Variants in MAP3K21 observed in about 807,000 individuals in gnomAD.
The protein encoded by MAP3K21 is mitogen-activated protein kinase kinase kinase MLK4.
A neutral mutation model predicts 86.1 loss-of-function variants in MAP3K21; 63 were observed. The observed-to-expected ratio is 0.73, with a 90% confidence interval of 0.60 to 0.90. The LOEUF (loss-of-function observed/expected upper bound fraction) is 0.90, where lower values mean the gene tolerates loss of function less well. MAP3K21 is among the 40% of genes least tolerant of loss of function. The pLI, the probability that MAP3K21 is intolerant of heterozygous loss-of-function variation, is 0.00. For missense variants in MAP3K21, 1,220 were observed against 1,367.7 expected (o/e 0.89, Z 1.70); for synonymous variants, 558 against 564.8 (o/e 0.99, Z 0.17).
intron 1 of MAP3K21, among the ~76,000 whole-genome samples, chr1:233,341,037 A>G (rs1352641599): frequency 6.6e-6 from 1 of 152,238 alleles, no homozygotes; most frequent in Non-Finnish European, 1.5e-5. Context: ...ATGGTTGAAT[A>G]AGTAGGCTAA....
chr1:233,340,942 GC>G (rs1215744401), intron 1 of MAP3K21, among the ~76,000 whole-genome samples: 1 of 152,066 alleles, frequency 6.6e-6, no homozygotes. Context: ...CATAATAATT[GC>G]TTTTTTAAAA....
At chr1:233,353,130 C>G (rs905937570) in intron 2 of MAP3K21, among the ~76,000 whole-genome samples, 5 of 151,954 alleles carry the variant, frequency 3.3e-5, no homozygotes, top group African/African-American at 9.7e-5. Flanking sequence ...AACTCAGGGA[C>G]TGCAGTTGTG....
At chr1:233,332,996 T>TTACAAG (rs1662839394) in intron 1 of MAP3K21, among the ~76,000 whole-genome samples, 1 of 151,148 alleles carries the variant, frequency 6.6e-6, no homozygotes, top group Non-Finnish European at 1.5e-5. Context: ...ACAGTATTAT[T>TTACAAG]TACAACTACA....
At position 233,372,177 on chromosome 1, in the gene MAP3K21, G is replaced by T. The variant is rs1309922774; in HGVS notation, c.1675+17G>T. On this transcript the variant is annotated intron_variant, in intron 6 of 9. Coordinates refer to ENST00000366624, the MANE Select transcript of MAP3K21 (RefSeq NM_032435.3). ...CCATACAGTGTGAGCTTTCTGCACT[G>T]CCACGGGGGCTCCTGTGTTGACTTC... 6.2e-7 allele frequency: 1 copy of T among 1,613,208 alleles called. No homozygotes were observed. Among genetic ancestry groups the T allele is most frequent in the Non-Finnish European group, 8.5e-7 (1 of 1,179,484 alleles).
At chr1:233,370,873 C>A (rs77608520) in intron 5 of MAP3K21, among the ~76,000 whole-genome samples, 1,620 of 152,298 alleles carry the variant, frequency 0.011, 66 homozygotes, top group Admixed American at 0.08. Flanking sequence ...CATCACCAGA[C>A]AAAATCTACA....
chr1:233,352,168 T>C, intron 2 of MAP3K21, among the ~76,000 whole-genome samples: 1 of 152,204 alleles, frequency 6.6e-6, no homozygotes, highest in East Asian at 1.9e-4. Context: ...ATTACAGGCG[T>C]GAACTGCCAT....
rs899898366 is a variant in MAP3K21, at chr1:233,383,892, A to G, written c.*1181A>G. The G allele has an allele frequency of 3.9e-5, 6 of 152,232 alleles. No individual in the cohort carries two copies. The highest frequency in any genetic ancestry group is 1.4e-4 in the African/African-American group (6 of 41,466). 9.4% of individuals were successfully genotyped at this position (152,232 alleles called of 1,614,324 possible). A position where few individuals can be genotyped will look rare whatever the true frequency, so the allele number is the denominator to read the frequency against. ...TCAGAAATGGATCTTTGAATAGCAG[A>G]TCAGGATTTAAATAATAAAATTATC... is the stretch of plus-strand genomic sequence containing the variant. On this transcript the variant is annotated 3_prime_UTR_variant, in exon 10 of 10. Coordinates refer to ENST00000366624, the MANE Select transcript of MAP3K21 (RefSeq NM_032435.3).
chr1:233,347,722 A>T (rs1008321542), intron 2 of MAP3K21, among the ~76,000 whole-genome samples: 1 of 152,200 alleles, frequency 6.6e-6, no homozygotes, highest in African/African-American at 2.4e-5. Context: ...GACGCTGGGG[A>T]CTAAGAGAAG....
In MAP3K21 at chr1:233,328,033, C is replaced by A; in HGVS notation, c.5C>A (p.Ala2Asp). The change falls in exon 1 of 10, where the codon GCT becomes GAT. Residue 2 changes from alanine (A) to aspartate (D), a missense_variant. Physicochemically the swap from Ala to Asp is moderately radical, Grantham distance 126. This residue lies in a region of MAP3K21 where 369 missense variants were observed against 385.3 expected (regional missense o/e 0.96). Coordinates refer to ENST00000366624, the MANE Select transcript of MAP3K21 (RefSeq NM_032435.3). The surrounding 1 kb of genome is among the most constrained non-coding windows in gnomAD (Gnocchi z 8.7). M[A>D]LRGAAGATDT... ...CTTCCCCGCGCAGCTGCCCCCATGG[C>A]TTTGCGGGGCGCCGCGGGAGCGACC... The A allele has an allele frequency of 7.6e-7, 1 of 1,308,426 alleles. No homozygotes were observed. Among genetic ancestry groups the A allele is most frequent in the Non-Finnish European group, 9.7e-7 (1 of 1,033,374 alleles). 81.1% of individuals were successfully genotyped at this position (1,308,426 alleles called of 1,614,324 possible).
At chr1:233,332,339 G>A (rs568063937) in intron 1 of MAP3K21, among the ~76,000 whole-genome samples, 1 of 152,210 alleles carries the variant, frequency 6.6e-6, no homozygotes, top group Admixed American at 6.5e-5. Context: ...GTTTCACACA[G>A]GGGCTCTCCA....
At position 233,328,142 on chromosome 1, in the gene MAP3K21, G is replaced by A. The variant is rs111250534; in HGVS notation, c.114G>A (p.Ala38=). 2.6e-5 allele frequency: 37 copies of A among 1,425,092 alleles called. No homozygotes were observed. Among genetic ancestry groups the A allele is most frequent in the Middle Eastern group, 2.5e-4 (1 of 4,044 alleles). The allele number at this position is 1,425,092 out of a possible 1,614,324, so 88.3% of individuals were successfully genotyped here. Residue 38 remains alanine (A), a synonymous_variant, in exon 1 of 10, where the codon GCG becomes GCA. Transcript: ENST00000366624. This position sits in a 1 kb window ranked among gnomAD's most constrained non-coding sequence, Gnocchi z 8.7. ...CCTCCTCGGGCGGCTCGGCCTCGGC[G>A]GGCGCGGGGCTGTGGGCCGCGCTCT... The part of the protein sequence containing the change: ...SSTSSGGSAS[A]GAGLWAALYD...
chr1:233,333,950 T>C (rs941694749), intron 1 of MAP3K21, among the ~76,000 whole-genome samples: 5 of 152,036 alleles, frequency 3.3e-5, no homozygotes, highest in Non-Finnish European at 7.4e-5. Context: ...GCAAGCTCCG[T>C]CTCCCGGGTT....
chr1:233,362,188 A>G lies in MAP3K21; in HGVS notation c.1447A>G (p.Ile483Val). ...DVLERELNIL[I>V]FQLNQEKPKV... is the part of the protein sequence containing the mutation. ...GCTGGAGCGGGAACTTAACATTCTG[A>G]TATTCCAGCTAAACCAGGAGAAGCC... The change falls in exon 5 of 10, where the codon ATA (isoleucine) becomes GTA (valine). Residue 483 changes from isoleucine (I) to valine (V), a missense_variant. Physicochemically the swap from Ile to Val is conservative, Grantham distance 29. Transcript: ENST00000366624. 1 of 1,614,204 alleles carries G rather than the reference A, an allele frequency of 6.2e-7. No individual in the cohort carries two copies. The highest frequency in any genetic ancestry group is 1.1e-5 in the South Asian group (1 of 91,076).
intron 4 of MAP3K21, among the ~76,000 whole-genome samples, chr1:233,359,884 T>G (rs1663435054): frequency 6.6e-6 from 1 of 152,268 alleles, no homozygotes; most frequent in South Asian, 2.1e-4. Context: ...TGTTCAAATT[T>G]ATTCAGAAGG....
intron 5 of MAP3K21, 75 bp downstream of exon 5, chr1:233,362,368 AC>A: frequency 6.6e-7 from 1 of 1,516,406 alleles, no homozygotes; most frequent in Non-Finnish European, 9.0e-7. Context: ...GTTCATCAGA[AC>A]CAGGAAAGAG....
intron 1 of MAP3K21, among the ~76,000 whole-genome samples, chr1:233,340,012 GATTA>G (rs1164398210): frequency 3.9e-5 from 6 of 152,210 alleles, no homozygotes; most frequent in Non-Finnish European, 8.8e-5. Flanking sequence ...TAAAAAAAAA[GATTA>G]ATTAGGCACA....
chr1:233,382,579 A>G lies in MAP3K21; in HGVS notation c.2979A>G (p.Lys993=). ...TCCTCGCTGCCAAGGAGAGAACTAA[A>G]TCCCATGTGCCTTCATTACTGGATG... ...TQFLAAKERT[K]SHVPSLLDAD... is the part of the protein sequence containing the mutation. Residue 993 remains lysine, a synonymous_variant, in exon 10 of 10, where the codon AAA becomes AAG. Coordinates refer to ENST00000366624, the MANE Select transcript of MAP3K21 (RefSeq NM_032435.3). The G allele has an allele frequency of 6.2e-7, 1 of 1,614,170 alleles. No individual in the cohort carries two copies. The highest frequency in any genetic ancestry group is 1.3e-5 in the African/African-American group (1 of 75,038).
chr1:233,337,422 T>G (rs1294282), intron 1 of MAP3K21, among the ~76,000 whole-genome samples: 1 of 152,118 alleles, frequency 6.6e-6, no homozygotes, highest in African/African-American at 2.4e-5. Context: ...GAAACACTTC[T>G]AAGTGTTTTA....
At chr1:233,361,954 G>T in intron 4 of MAP3K21, 99 bp from the exon 5 acceptor site, 2 of 1,416,312 alleles carry the variant, frequency 1.4e-6, no homozygotes, top group Non-Finnish European at 1.9e-6. Context: ...TTGTGCACAG[G>T]AGGAGCCCGT....
Sources: allele counts gnomAD v4.1 joint callset (sites outside exome capture counted in the v4.1 genomes callset), GRCh38; gene constraint gnomAD v4.1.1; regional missense constraint gnomAD v4.1.1; non-coding constraint Gnocchi (gnomAD v3.1); transcripts MANE v1.5; gene names NCBI Gene and HGNC (gene_info 2026-07-23, HGNC 2026-07-21).